Variants in TRAPPC9 observed in about 807,000 individuals in gnomAD.
TRAPPC9 encodes the protein IKK2 binding protein.
Under a neutral mutation model 124.0 loss-of-function variants are expected in TRAPPC9, and 83 were observed. The ratio of observed to expected loss-of-function variants is 0.67; its 90% CI spans 0.56 to 0.80. TRAPPC9 has a LOEUF of 0.80. Among genes scored for constraint, TRAPPC9 ranks in the 30% least tolerant of loss-of-function variants. The pLI is 0.00. For synonymous variants in TRAPPC9, 638 were observed against 617.5 expected (o/e 1.03, Z -0.49); for missense variants, 1,302 against 1,508.3 (o/e 0.86, Z 2.27).
At chr8:139,836,197 C>T (rs528125524) in intron 21 of TRAPPC9, among the ~76,000 whole-genome samples, 19 of 152,102 alleles carry the variant, frequency 1.2e-4, no homozygotes, top group Admixed American at 4.6e-4. Flanking sequence ...TTAGTAGAGA[C>T]GGGGTTTCAT....
intron 1 of TRAPPC9, among the ~76,000 whole-genome samples, chr8:140,455,937 T>C (rs1391232065): frequency 6.6e-6 from 1 of 152,196 alleles, no homozygotes. Context: ...GTTGTATGAT[T>C]CCATTAATAG....
intron 17 of TRAPPC9, among the ~76,000 whole-genome samples, chr8:140,045,455 C>G (rs1403219358): frequency 6.6e-6 from 1 of 151,782 alleles, no homozygotes; most frequent in Non-Finnish European, 1.5e-5. Context: ...GTGTAAACCC[C>G]AACTCTATTA....
In TRAPPC9 at chr8:140,321,612, A is replaced by G. The variant is rs901855668; in HGVS notation, c.1496-10238T>C. ...GCTTTGTCCCTGGCAGAGGAGCAAG[A>G]GAAGGGAGAATTGGGCAGAGAACGG... On this transcript the variant is annotated intron_variant, in intron 9 of 22. Coordinates refer to ENST00000438773, the MANE Select transcript of TRAPPC9 (RefSeq NM_001160372.4). Among the ~76,000 whole-genome samples the G allele has an allele frequency of 2.4e-4, 37 of 152,270 alleles. 1 individual carries two copies. The highest frequency in any genetic ancestry group is 1.5e-3 in the Admixed American group (23 of 15,304).
intron 21 of TRAPPC9, among the ~76,000 whole-genome samples, chr8:139,746,423 G>A (rs1225567879): frequency 6.6e-6 from 1 of 152,194 alleles, no homozygotes. Context: ...AGGAGAAACT[G>A]AAGAAACTGA....
intron 19 of TRAPPC9, chr8:139,932,554 G>A (rs1833241926): frequency 2.2e-6 from 1 of 454,868 alleles, no homozygotes; most frequent in African/African-American, 2.0e-5. Flanking sequence ...CCTGAGCTCA[G>A]GAGTTCGAGA....
intron 17 of TRAPPC9, among the ~76,000 whole-genome samples, chr8:140,134,842 T>A (rs55688253): frequency 6.6e-6 from 1 of 152,142 alleles, no homozygotes; most frequent in Non-Finnish European, 1.5e-5. Context: ...AATTTCAAAC[T>A]TTGGTGAATC....
chr8:140,209,062 T>C (rs2062994632), intron 17 of TRAPPC9, among the ~76,000 whole-genome samples: 1 of 152,168 alleles, frequency 6.6e-6, no homozygotes, highest in African/African-American at 2.4e-5. Context: ...CAGACAGTGT[T>C]TGTTGCTCAG....
chr8:140,323,261 C>T (rs946878318), intron 9 of TRAPPC9, among the ~76,000 whole-genome samples: 7 of 152,192 alleles, frequency 4.6e-5, no homozygotes, highest in African/African-American at 1.7e-4. Flanking sequence ...CCACACCTCG[C>T]CCTGGGCATC....
chr8:139,903,171 C>T (rs1212581270), intron 20 of TRAPPC9, among the ~76,000 whole-genome samples: 1 of 152,198 alleles, frequency 6.6e-6, no homozygotes, highest in Non-Finnish European at 1.5e-5. Flanking sequence ...CCTCCACTCT[C>T]CAAGTCATGT....
chr8:139,860,674 C>A (rs1828073887), intron 21 of TRAPPC9, among the ~76,000 whole-genome samples: 1 of 152,226 alleles, frequency 6.6e-6, no homozygotes, highest in Non-Finnish European at 1.5e-5. Flanking sequence ...AGTTCCTGGC[C>A]CAGAGCTGGG....
At position 140,241,600 on chromosome 8, in the gene TRAPPC9, C is replaced by T. The variant is rs2063857230; in HGVS notation, c.2431+11177G>A. ...GTCCCAGCTATTCGGAAGGCTGAGA[C>T]AGGAGAATCGCTTAAGCCCGGGAGG... On this transcript the variant is annotated intron_variant, in intron 16 of 22. Coordinates refer to ENST00000438773, the MANE Select transcript of TRAPPC9 (RefSeq NM_001160372.4). This position sits in a 1 kb window ranked among gnomAD's most constrained non-coding sequence, Gnocchi z 5.0. Among the ~76,000 whole-genome samples, 1 of 151,944 alleles carries T rather than the reference C, an allele frequency of 6.6e-6. No homozygotes were observed. The highest frequency in any genetic ancestry group is 2.4e-5 in the African/African-American group (1 of 41,344).
chr8:140,165,427 T>G (rs780238176), intron 17 of TRAPPC9, among the ~76,000 whole-genome samples: 3 of 120,350 alleles, frequency 2.5e-5, no homozygotes, highest in Non-Finnish European at 5.5e-5. Context: ...TAGGCCCAGC[T>G]ACTCGGGAGG....
chr8:140,417,283 A>G (rs1007171452), intron 5 of TRAPPC9, among the ~76,000 whole-genome samples: 2 of 152,226 alleles, frequency 1.3e-5, no homozygotes, highest in African/African-American at 4.8e-5. Context: ...GGCAACCTAC[A>G]GAATGGGAGA....
intron 21 of TRAPPC9, among the ~76,000 whole-genome samples, chr8:139,779,218 G>A (rs1442823686): frequency 6.6e-6 from 1 of 152,090 alleles, no homozygotes; most frequent in Non-Finnish European, 1.5e-5. Flanking sequence ...GGGGTGGGCA[G>A]GGCAGAGAAC....
chr8:140,048,835 C>G (rs2132072085), intron 17 of TRAPPC9, among the ~76,000 whole-genome samples: 1 of 152,278 alleles, frequency 6.6e-6, no homozygotes, highest in Non-Finnish European at 1.5e-5. Context: ...CTTCCTGTCA[C>G]CCATCCCCTG....
intron 8 of TRAPPC9, among the ~76,000 whole-genome samples, chr8:140,367,619 G>C (rs2068157057): frequency 1.3e-5 from 2 of 152,114 alleles, no homozygotes; most frequent in African/African-American, 4.8e-5. Context: ...CTTCACGGCA[G>C]GGAAACTTCT....
At chr8:139,834,468 AG>A (rs890930945) in intron 21 of TRAPPC9, among the ~76,000 whole-genome samples, 1 of 152,206 alleles carries the variant, frequency 6.6e-6, no homozygotes, top group African/African-American at 2.4e-5. Flanking sequence ...TTTCTGAGGA[AG>A]GGGGGCGGGC....
At chr8:139,770,218 G>C (rs1563800763) in intron 21 of TRAPPC9, among the ~76,000 whole-genome samples, 1 of 152,244 alleles carries the variant, frequency 6.6e-6, no homozygotes, top group Non-Finnish European at 1.5e-5. Context: ...GAGGGCAGTG[G>C]TGACAATGGA....
At chr8:140,144,143 C>G (rs1038193682) in intron 17 of TRAPPC9, among the ~76,000 whole-genome samples, 1 of 152,166 alleles carries the variant, frequency 6.6e-6, no homozygotes, top group Non-Finnish European at 1.5e-5. Context: ...TGGCCACATC[C>G]TTCAGTTTAT....
Sources: gnomAD v4.1 joint callset for allele counts (sites outside exome capture counted in the v4.1 genomes callset) on GRCh38, gnomAD v4.1.1 for gene constraint, Gnocchi (gnomAD v3.1) non-coding constraint, MANE v1.5 for transcripts, NCBI Gene and HGNC (gene_info 2026-07-23, HGNC 2026-07-21) for gene names.